Variants in EPB41L3 observed in about 807,000 individuals in gnomAD.
EPB41L3 encodes erythrocyte membrane protein band 4.1 like 3.
In EPB41L3, 57 loss-of-function variants were observed where a neutral mutation model predicts 127.1. The observed-to-expected ratio is 0.45, with a 90% CI of 0.36 to 0.56. The LOEUF (loss-of-function observed/expected upper bound fraction) is 0.56, where lower values mean the gene tolerates loss of function less well. EPB41L3 is among the 20% of genes least tolerant of loss of function. The probability of loss-of-function intolerance (pLI) is 0.00; values close to 1 mark genes in which losing one functional copy is unlikely to be tolerated. For missense variants in EPB41L3, 1,273 were observed against 1,372.2 expected (o/e 0.93, Z 1.14); for synonymous variants, 572 against 549.5 (o/e 1.04, Z -0.57).
chr18:5,467,425 T>C (rs920178134), intron 3 of EPB41L3: 4 of 152,170 alleles, frequency 2.6e-5, no homozygotes, highest in African/African-American at 4.8e-5. Context: ...CTGAGCCCCT[T>C]TTCTCCTGAT....
At chr18:5,568,681 T>G (rs2094239872) in intron 3 of EPB41L3, among the ~76,000 whole-genome samples, 2 of 152,170 alleles carry the variant, frequency 1.3e-5, no homozygotes, top group African/African-American at 4.8e-5. Flanking sequence ...CTCCTAGCAA[T>G]AGATATTCAA....
chr18:5,425,832 C>T (rs775916580), intron 9 of EPB41L3, among the ~76,000 whole-genome samples: 14 of 152,198 alleles, frequency 9.2e-5, no homozygotes, highest in South Asian at 2.1e-4. Context: ...GCAGAAGCCA[C>T]GACCTGCTGC....
chr18:5,416,446 T>G (rs1053495390), intron 12 of EPB41L3, 68 bp from the exon 13 acceptor site: 1 of 1,454,826 alleles, frequency 6.9e-7, no homozygotes, highest in African/African-American at 1.4e-5. Context: ...AAAAGAAAAC[T>G]GCAATTAGTT....
intron 3 of EPB41L3, among the ~76,000 whole-genome samples, chr18:5,565,834 C>T (rs1478310796): frequency 1.3e-5 from 2 of 151,888 alleles, no homozygotes; most frequent in Non-Finnish European, 2.9e-5. Context: ...GCATAGTGTT[C>T]CATGGTGTAT....
chr18:5,613,359 A>G (rs1234105147), intron 2 of EPB41L3, among the ~76,000 whole-genome samples: 1 of 152,218 alleles, frequency 6.6e-6, no homozygotes, highest in Non-Finnish European at 1.5e-5. Context: ...AACATCTCCA[A>G]CTGTTGCCTG....
At chr18:5,433,027 G>C (rs1462243000) in intron 8 of EPB41L3, among the ~76,000 whole-genome samples, 1 of 152,214 alleles carries the variant, frequency 6.6e-6, no homozygotes, top group African/African-American at 2.4e-5. Flanking sequence ...CGGACAGACA[G>C]ATAGGAAAGA....
intron 15 of EPB41L3, chr18:5,407,266 C>A: frequency 2.4e-6 from 1 of 409,550 alleles, no homozygotes; most frequent in Non-Finnish European, 4.4e-6. Context: ...AATATACACA[C>A]AGGAAAAGGG....
intron 3 of EPB41L3, among the ~76,000 whole-genome samples, chr18:5,461,534 T>C (rs1330070536): frequency 3.9e-5 from 6 of 152,242 alleles, no homozygotes; most frequent in Non-Finnish European, 8.8e-5. Flanking sequence ...ATCTTGTTTA[T>C]TGACAAGAAG....
chr18:5,453,827 C>G (rs2082629942), intron 3 of EPB41L3, among the ~76,000 whole-genome samples: 1 of 152,186 alleles, frequency 6.6e-6, no homozygotes, highest in South Asian at 2.1e-4. Flanking sequence ...CTAAGAAGTG[C>G]TACTGACAAG....
intron 16 of EPB41L3, among the ~76,000 whole-genome samples, chr18:5,402,956 T>C (rs950685258): frequency 6.6e-6 from 1 of 152,196 alleles, no homozygotes; most frequent in African/African-American, 2.4e-5. Context: ...GGAATTACTG[T>C]ACAGTGAACA....
chr18:5,423,447 C>G lies in EPB41L3; in HGVS notation c.1270G>C (p.Asp424His). The change falls in exon 11 of 23, where the codon GAT becomes CAT. Residue 424 changes from aspartate to histidine, a missense_variant. Asp to His is a moderately conservative substitution (Grantham distance 81, BLOSUM62 -1). Transcript: ENST00000341928. The stretch of plus-strand genomic sequence containing the variant: ...CGTTCAAAGTAAGGTGCTGGGCGAT[C>G]TATCAACGCACTGGCTCTTCTCGTT... ...AQTRRASALI[D>H]RPAPYFERSS... The G allele has an allele frequency of 6.2e-7, 1 of 1,613,868 alleles. No individual in the cohort carries two copies. Among genetic ancestry groups the G allele is most frequent in the South Asian group, 1.1e-5 (1 of 91,072 alleles).
chr18:5,600,286 C>T (rs1017979476), intron 3 of EPB41L3, among the ~76,000 whole-genome samples: 3 of 152,154 alleles, frequency 2.0e-5, no homozygotes, highest in Non-Finnish European at 4.4e-5. Flanking sequence ...TAAATTCATT[C>T]ACCACAGGCA....
chr18:5,408,058 G>C (rs933444930), intron 14 of EPB41L3, among the ~76,000 whole-genome samples: 1 of 152,132 alleles, frequency 6.6e-6, no homozygotes, highest in Non-Finnish European at 1.5e-5. Context: ...TCAGGAAGTG[G>C]GGGGAGCCAG....
At chr18:5,471,939 G>A (rs9949881) in intron 3 of EPB41L3, among the ~76,000 whole-genome samples, 3,038 of 152,160 alleles carry the variant, frequency 0.02, 90 homozygotes, top group African/African-American at 0.07. Context: ...ATAGAGCATC[G>A]ACCATCGAAC....
intron 3 of EPB41L3, among the ~76,000 whole-genome samples, chr18:5,458,004 TAC>T (rs958784310): frequency 4.6e-5 from 7 of 152,166 alleles, no homozygotes; most frequent in African/African-American, 1.4e-4. Flanking sequence ...ACTGTATTCT[TAC>T]AGTGCCGGGC....
At chr18:5,531,427 GA>G (rs966648371) in intron 1 of EPB41L3, among the ~76,000 whole-genome samples, 16 of 152,020 alleles carry the variant, frequency 1.1e-4, no homozygotes, top group African/African-American at 3.9e-4. Flanking sequence ...AAACCTTTAA[GA>G]AAAAAGACTA....
chr18:5,569,625 T>C (rs1377121224), intron 3 of EPB41L3, among the ~76,000 whole-genome samples: 1 of 152,198 alleles, frequency 6.6e-6, no homozygotes, highest in East Asian at 1.9e-4. Flanking sequence ...CTCTCTTACA[T>C]GGAAAATATC....
intron 3 of EPB41L3, among the ~76,000 whole-genome samples, chr18:5,474,497 A>C (rs1187962062): frequency 6.6e-6 from 1 of 152,012 alleles, no homozygotes; most frequent in African/African-American, 2.4e-5. Context: ...GTTGCCAGGG[A>C]GTCTTTTACA....
rs10611279 is a variant in EPB41L3, at chr18:5,529,928, A to ATGTGTGTGTGTGTGTG, written c.-12+13969_-12+13984dup. 2.3e-3 allele frequency among the ~76,000 whole-genome samples: 342 copies of ATGTGTGTGTGTGTGTG among 146,876 alleles called. 2 individuals carry two copies. Among genetic ancestry groups the ATGTGTGTGTGTGTGTG allele is most frequent in the African/African-American group, 7.5e-3 (296 of 39,246 alleles). On this transcript the variant is annotated intron_variant, in intron 1 of 22. Transcript: ENST00000341928. ...CACCAACCCCACCATCAACTCATAT[A>ATGTGTGTGTGTGTGTG]TGTGTGTGTGTGTGTGTGTGTGTGT...
Sources: gnomAD v4.1 joint callset for allele counts (sites outside exome capture counted in the v4.1 genomes callset) on GRCh38, gnomAD v4.1.1 for gene constraint, MANE v1.5 for transcripts, NCBI Gene and HGNC (gene_info 2026-07-23, HGNC 2026-07-21) for gene names.